NRBF2: variants seen among roughly 807,000 people sequenced by gnomAD.
NRBF2 encodes nuclear receptor-binding factor 2.
NRBF2 carries 12 observed loss-of-function variants against 28.5 expected under a neutral mutation model. The observed-to-expected ratio is 0.42, with a 90% CI of 0.27 to 0.68. The LOEUF (loss-of-function observed/expected upper bound fraction) is 0.68, where lower values mean the gene tolerates loss of function less well. Ranked by LOEUF, NRBF2 falls within the 30% of genes least tolerant of loss-of-function variation. The probability of loss-of-function intolerance (pLI) is 0.24; values close to 1 mark genes in which losing one functional copy is unlikely to be tolerated. For synonymous variants in NRBF2, 102 were observed against 116.5 expected, an observed-to-expected ratio of 0.88 and a Z score of 0.80; for missense variants, 274 against 333.5, an observed-to-expected ratio of 0.82 and a Z score of 1.39.
intron 1 of NRBF2, among the ~76,000 whole-genome samples, chr10:63,140,115 G>A (rs61853336): frequency 0.14 from 21,446 of 152,050 alleles, 2,223 homozygotes; most frequent in East Asian, 0.35. Flanking sequence ...TCCAGCCTCT[G>A]GGTGACAGAA....
chr10:63,142,911 G>A (rs753093153), intron 1 of NRBF2, among the ~76,000 whole-genome samples: 3 of 150,442 alleles, frequency 2.0e-5, no homozygotes, highest in Non-Finnish European at 4.4e-5. Flanking sequence ...CACCTGAGTA[G>A]CTGGGATTAC....
At chr10:63,141,989 G>C (rs919240195) in intron 1 of NRBF2, among the ~76,000 whole-genome samples, 3 of 152,104 alleles carry the variant, frequency 2.0e-5, no homozygotes, top group African/African-American at 7.2e-5. Flanking sequence ...TAAGGGAGCT[G>C]GGAGAGCCAT....
At position 63,133,340 on chromosome 10, in the gene NRBF2, C is replaced by T. The variant is rs1841316297; in HGVS notation, c.-131C>T. 3 of 1,075,598 alleles carry T rather than the reference C, an allele frequency of 2.8e-6. No homozygotes were observed. The highest frequency in any genetic ancestry group is 3.2e-5 in the African/African-American group (2 of 62,534). 66.6% of individuals were successfully genotyped at this position (1,075,598 alleles called of 1,614,324 possible). The stretch of plus-strand genomic sequence containing the variant: ...TGGTGAGGTTGTTGCTCCTTCAGCG[C>T]CTATCGCTGGCTCTTGGGGCGCAGA... On this transcript the variant is annotated 5_prime_UTR_variant, in exon 1 of 4. Coordinates refer to ENST00000277746, the MANE Select transcript of NRBF2 (RefSeq NM_030759.5).
chr10:63,145,566 A>C (rs1841547646), intron 1 of NRBF2, among the ~76,000 whole-genome samples: 1 of 152,262 alleles, frequency 6.6e-6, no homozygotes, highest in East Asian at 1.9e-4. Flanking sequence ...TTATTTAATA[A>C]GTTTTCCTTC....
At chr10:63,144,449 C>T (rs1270950741) in intron 1 of NRBF2, among the ~76,000 whole-genome samples, 4 of 147,082 alleles carry the variant, frequency 2.7e-5, no homozygotes, top group African/African-American at 1.0e-4. Flanking sequence ...CAGTCTCGCT[C>T]TGTCACCCAG....
intron 2 of NRBF2, among the ~76,000 whole-genome samples, chr10:63,146,719 A>C (rs1031730606): frequency 6.6e-6 from 1 of 152,238 alleles, no homozygotes; most frequent in African/African-American, 2.4e-5. Context: ...AAAACTTACT[A>C]TAAGACTTTT....
At chr10:63,152,279 C>T (rs1841663056) in intron 3 of NRBF2, 89 bp downstream of exon 3, 2 of 957,866 alleles carry the variant, frequency 2.1e-6, no homozygotes, top group Non-Finnish European at 3.3e-6. Flanking sequence ...CATTGTGTCC[C>T]TCTCAAAATG....
At position 63,153,927 on chromosome 10, in the gene NRBF2, A is replaced by T. The variant is rs552259607; in HGVS notation, c.573A>T (p.Arg191Ser). Residue 191 changes from arginine to serine, a missense_variant, in exon 4 of 4, where the codon AGA becomes AGT. Transcript: ENST00000277746. ...HVEFLVAENE[R>S]LRKENKQLKA... ...AATTCCTTGTGGCTGAGAATGAAAG[A>T]TTAAGGAAAGAAAATAAACAACTAA... 1 of 1,611,870 alleles carries T rather than the reference A, an allele frequency of 6.2e-7. No homozygotes were observed. Among genetic ancestry groups the T allele is most frequent in the East Asian group, 2.2e-5 (1 of 44,894 alleles).
At chr10:63,135,568 T>C (rs1009704926) in intron 1 of NRBF2, among the ~76,000 whole-genome samples, 2 of 152,180 alleles carry the variant, frequency 1.3e-5, no homozygotes, top group African/African-American at 4.8e-5. Flanking sequence ...ACAGAGTCTT[T>C]TTAAGCAGGC....
intron 1 of NRBF2, among the ~76,000 whole-genome samples, chr10:63,144,178 T>C (rs865855783): frequency 5.3e-5 from 8 of 152,266 alleles, no homozygotes; most frequent in Middle Eastern, 6.8e-3. Context: ...ATGTCCAGAA[T>C]TTTTTCATCT....
intron 1 of NRBF2, among the ~76,000 whole-genome samples, chr10:63,141,368 T>G (rs561790533): frequency 6.6e-6 from 1 of 152,226 alleles, no homozygotes; most frequent in African/African-American, 2.4e-5. Context: ...CCCAGGATAT[T>G]GAGGCTGCAG....
intron 2 of NRBF2, among the ~76,000 whole-genome samples, chr10:63,151,582 G>A (rs1274454203): frequency 6.6e-6 from 1 of 152,056 alleles, no homozygotes; most frequent in Non-Finnish European, 1.5e-5. Context: ...AATAGTCACC[G>A]AGGATCTAAG....
chr10:63,146,499 G>T (rs1317395908), intron 2 of NRBF2, among the ~76,000 whole-genome samples: 2 of 152,298 alleles, frequency 1.3e-5, no homozygotes, highest in Admixed American at 1.3e-4. Flanking sequence ...CATAAATGTG[G>T]TAAACAGTTC....
At chr10:63,137,829 T>G (rs1035406326) in intron 1 of NRBF2, among the ~76,000 whole-genome samples, 3 of 152,148 alleles carry the variant, frequency 2.0e-5, no homozygotes, top group African/African-American at 7.2e-5. Context: ...TGTCACAAGC[T>G]GAGCTAGGCA....
intron 1 of NRBF2, among the ~76,000 whole-genome samples, chr10:63,144,442 T>C (rs1841528385): frequency 7.1e-6 from 1 of 141,474 alleles, no homozygotes; most frequent in South Asian, 2.3e-4. Flanking sequence ...TGAGACACAG[T>C]CTCGCTCTGT....
chr10:63,150,617 G>T (rs1408629105), intron 2 of NRBF2, among the ~76,000 whole-genome samples: 1 of 152,122 alleles, frequency 6.6e-6, no homozygotes, highest in Non-Finnish European at 1.5e-5. Flanking sequence ...TTTTGTGGAA[G>T]TCAATTTTCC....
chr10:63,138,118 C>A (rs976735563), intron 1 of NRBF2, among the ~76,000 whole-genome samples: 1 of 151,956 alleles, frequency 6.6e-6, no homozygotes, highest in Non-Finnish European at 1.5e-5. Context: ...TCACCGAGAC[C>A]AGCCTGGCCA....
In NRBF2 at chr10:63,133,348, T is replaced by C; in HGVS notation, c.-123T>C. On this transcript the variant is annotated 5_prime_UTR_variant, in exon 1 of 4. Coordinates refer to ENST00000277746, the MANE Select transcript of NRBF2 (RefSeq NM_030759.5). Reference sequence around the variant, plus strand: ...TTGTTGCTCCTTCAGCGCCTATCGCTGGCTCTTGGGGCGCAGAGAGGGGCC... The same window carrying C: ...TTGTTGCTCCTTCAGCGCCTATCGCCGGCTCTTGGGGCGCAGAGAGGGGCC... The C allele has an allele frequency of 2.6e-6, 3 of 1,165,838 alleles. No homozygotes were observed. Among genetic ancestry groups the C allele is most frequent in the Non-Finnish European group, 3.7e-6 (3 of 805,182 alleles). 72.2% of individuals were successfully genotyped at this position (1,165,838 alleles called of 1,614,324 possible).
chr10:63,142,597 A>G (rs1046638157), intron 1 of NRBF2, among the ~76,000 whole-genome samples: 1 of 152,098 alleles, frequency 6.6e-6, no homozygotes, highest in African/African-American at 2.4e-5. Context: ...TAGGTTAATC[A>G]TAACTGCTTG....
Sources: allele counts gnomAD v4.1 joint callset (sites outside exome capture counted in the v4.1 genomes callset), GRCh38; gene constraint gnomAD v4.1.1; transcripts MANE v1.5; gene names NCBI Gene and HGNC (gene_info 2026-07-23, HGNC 2026-07-21).